The following ASIC2 variants were observed in gnomAD, a reference collection of about 807,000 sequenced individuals.
The protein encoded by ASIC2 is acid sensing ion channel subunit 2.
ASIC2 carries 25 observed loss-of-function variants against 57.3 expected under a neutral mutation model. The observed-to-expected ratio is 0.44, with a 90% CI of 0.32 to 0.61. The LOEUF is 0.61. Ranked by LOEUF, ASIC2 falls within the 20% of genes least tolerant of loss-of-function variation. The pLI is 0.06. For missense variants in ASIC2, 641 were observed against 738.1 expected (o/e 0.87, Z 1.52); for synonymous variants, 319 against 307.5 (o/e 1.04, Z -0.39).
At chr17:33,958,397 C>T (rs1019859826) in intron 1 of ASIC2, among the ~76,000 whole-genome samples, 4 of 152,320 alleles carry the variant, frequency 2.6e-5, no homozygotes, top group South Asian at 4.1e-4. Context: ...GGCTCTGTCC[C>T]TGCAGCACAC....
chr17:33,945,169 C>T (rs1454554283), intron 1 of ASIC2, among the ~76,000 whole-genome samples: 1 of 152,156 alleles, frequency 6.6e-6, no homozygotes, highest in Admixed American at 6.5e-5. Context: ...GTCTTGATCT[C>T]CAGTCACTTA....
chr17:33,597,695 T>A (rs755610493), intron 1 of ASIC2, among the ~76,000 whole-genome samples: 10 of 152,174 alleles, frequency 6.6e-5, no homozygotes, highest in Non-Finnish European at 1.3e-4. Context: ...TGGAAGAGAC[T>A]TTAGAGTCAC....
At chr17:33,414,487 G>A (rs1018205238) in intron 1 of ASIC2, among the ~76,000 whole-genome samples, 1 of 152,162 alleles carries the variant, frequency 6.6e-6, no homozygotes, top group African/African-American at 2.4e-5. Context: ...TAGTTGGCTG[G>A]GCAGTTCTTC....
intron 1 of ASIC2, among the ~76,000 whole-genome samples, chr17:33,355,949 C>T (rs754321343): frequency 3.9e-5 from 6 of 152,234 alleles, no homozygotes; most frequent in Admixed American, 6.5e-5. Context: ...GAAGGGTAAA[C>T]GAACCTAGAC....
At chr17:33,580,242 A>C (rs997621526) in intron 1 of ASIC2, 2 of 152,204 alleles carry the variant, frequency 1.3e-5, no homozygotes, top group East Asian at 1.9e-4. Context: ...AATTAAATGC[A>C]AAGGACCCAG....
chr17:34,044,108 ACACACACACACACACACGCACG>A lies in ASIC2; in HGVS notation c.555+111848_555+111869del, dbSNP rs780598181. 9.6e-3 allele frequency among the ~76,000 whole-genome samples: 888 copies of A among 92,374 alleles called. 3 individuals carry two copies. Among genetic ancestry groups the A allele is most frequent in the African/African-American group, 0.023 (362 of 15,828 alleles). 60.6% of individuals were successfully genotyped at this position (92,374 alleles called of 152,430 possible). A position where few individuals can be genotyped will look rare whatever the true frequency, so the allele number is the denominator to read the frequency against. On this transcript the variant is annotated intron_variant, in intron 1 of 9. Transcript: ENST00000359872. ...TGGGCCATACCCTTGAATCACACAC[ACACACACACACACACACGCACG>A]CACACACACACACACACACCAAGAA...
At chr17:33,591,065 T>C (rs978493889) in intron 1 of ASIC2, among the ~76,000 whole-genome samples, 1 of 152,184 alleles carries the variant, frequency 6.6e-6, no homozygotes, top group Non-Finnish European at 1.5e-5. Context: ...AACACCTCTG[T>C]TCCTGTTTTC....
At chr17:33,930,063 G>T (rs554538793) in intron 1 of ASIC2, among the ~76,000 whole-genome samples, 1 of 152,326 alleles carries the variant, frequency 6.6e-6, no homozygotes, top group South Asian at 2.1e-4. Flanking sequence ...TTCTACAATT[G>T]TTCAGGTTAG....
intron 1 of ASIC2, among the ~76,000 whole-genome samples, chr17:33,263,176 T>A (rs973142484): frequency 2.6e-5 from 4 of 152,178 alleles, no homozygotes; most frequent in Non-Finnish European, 5.9e-5. Context: ...CACCGCCTGG[T>A]TGCATAAAGA....
intron 1 of ASIC2, among the ~76,000 whole-genome samples, chr17:33,171,980 C>T (rs773880022): frequency 6.6e-6 from 1 of 152,208 alleles, no homozygotes; most frequent in Non-Finnish European, 1.5e-5. Flanking sequence ...TTTCATATTA[C>T]TGTGGCCCTC....
chr17:33,550,708 A>C (rs1010363159), intron 1 of ASIC2, among the ~76,000 whole-genome samples: 1 of 152,248 alleles, frequency 6.6e-6, no homozygotes, highest in Non-Finnish European at 1.5e-5. Context: ...TGATGAGCCC[A>C]GAGTGGAGAA....
chr17:33,510,529 C>A (rs1277537590), intron 1 of ASIC2, among the ~76,000 whole-genome samples: 2 of 152,048 alleles, frequency 1.3e-5, no homozygotes, highest in Non-Finnish European at 2.9e-5. Context: ...CCACACCCAA[C>A]TAATGGGTGG....
At chr17:33,507,213 G>C (rs1230007643) in intron 1 of ASIC2, among the ~76,000 whole-genome samples, 1 of 152,128 alleles carries the variant, frequency 6.6e-6, no homozygotes, top group African/African-American at 2.4e-5. Context: ...CAGGCAGGAG[G>C]GCTTCCAAGA....
chr17:33,212,522 T>C (rs1317656411), intron 1 of ASIC2, among the ~76,000 whole-genome samples: 1 of 152,212 alleles, frequency 6.6e-6, no homozygotes, highest in African/African-American at 2.4e-5. Flanking sequence ...CCTCCAGAAC[T>C]GTAAGAGAAT....
At chr17:33,307,385 C>T (rs992120126) in intron 1 of ASIC2, among the ~76,000 whole-genome samples, 2 of 152,066 alleles carry the variant, frequency 1.3e-5, no homozygotes, top group East Asian at 3.9e-4. Context: ...TGGCTCATCA[C>T]TGCAACCTCC....
chr17:33,210,487 C>T (rs949107390), intron 1 of ASIC2, among the ~76,000 whole-genome samples: 3 of 152,210 alleles, frequency 2.0e-5, no homozygotes, highest in Non-Finnish European at 2.9e-5. Context: ...CACCCCCCAA[C>T]CCAGGCTGCC....
At chr17:33,199,326 T>C (rs1317999586) in intron 1 of ASIC2, among the ~76,000 whole-genome samples, 5 of 152,216 alleles carry the variant, frequency 3.3e-5, no homozygotes, top group African/African-American at 1.2e-4. Context: ...GAGAAGCACT[T>C]AGCCAACTTG....
At chr17:33,406,813 G>A (rs991951809) in intron 1 of ASIC2, among the ~76,000 whole-genome samples, 2 of 152,196 alleles carry the variant, frequency 1.3e-5, no homozygotes, top group African/African-American at 4.8e-5. Flanking sequence ...AGTATAATGA[G>A]AGCCTAGAGA....
chr17:33,925,976 G>A (rs925691118), intron 1 of ASIC2, among the ~76,000 whole-genome samples: 2 of 152,192 alleles, frequency 1.3e-5, no homozygotes, highest in African/African-American at 4.8e-5. Context: ...TTTAGATGCA[G>A]AAGGCTCTAA....
Sources: gnomAD v4.1 joint callset for allele counts (sites outside exome capture counted in the v4.1 genomes callset) on GRCh38, gnomAD v4.1.1 for gene constraint, MANE v1.5 for transcripts, NCBI Gene and HGNC (gene_info 2026-07-23, HGNC 2026-07-21) for gene names.